The following SGCD variants were observed in gnomAD, a reference collection of about 807,000 sequenced individuals.
SGCD encodes sarcoglycan delta, also known as delta-sarcoglycan.
SGCD carries 18 observed loss-of-function variants against 36.6 expected under a neutral mutation model. The ratio of observed to expected loss-of-function variants is 0.49; its 90% confidence interval spans 0.34 to 0.73. SGCD has a LOEUF of 0.73. Among genes scored for constraint, SGCD ranks in the 30% least tolerant of loss-of-function variants. SGCD has a pLI of 0.01. For missense variants in SGCD, 387 were observed against 346.7 expected (o/e 1.12, Z -0.92); for synonymous variants, 133 against 130.6 (o/e 1.02, Z -0.12).
chr5:155,729,302 T>C, the SGCD span, among the ~76,000 whole-genome samples: 1 of 152,186 alleles, frequency 6.6e-6, no homozygotes, highest in Non-Finnish European at 1.5e-5. Flanking sequence ...GCATAAGCGC[T>C]TAGAGATCCG....
intron 4 of SGCD, among the ~76,000 whole-genome samples, chr5:156,549,495 T>C (rs1052997960): frequency 3.9e-5 from 6 of 152,244 alleles, no homozygotes; most frequent in African/African-American, 1.4e-4. Flanking sequence ...AAAGTGAGGA[T>C]GGAGAACTAG....
intron 4 of SGCD, among the ~76,000 whole-genome samples, chr5:156,513,157 A>T (rs1757015200): frequency 6.6e-6 from 1 of 152,202 alleles, no homozygotes; most frequent in African/African-American, 2.4e-5. Context: ...AAAGAAAAAG[A>T]TTTCTAAGAT....
At chr5:155,874,861 C>T (rs1755733519) in intron 1 of SGCD, among the ~76,000 whole-genome samples, 1 of 152,088 alleles carries the variant, frequency 6.6e-6, no homozygotes, top group Admixed American at 6.6e-5. Flanking sequence ...TAACAGTTTT[C>T]GAAGAAGTTA....
chr5:156,750,254 TTAATGG>T (rs1199995674), intron 7 of SGCD, among the ~76,000 whole-genome samples: 1 of 152,106 alleles, frequency 6.6e-6, no homozygotes, highest in East Asian at 1.9e-4. Context: ...AAAAACATAC[TTAATGG>T]TAAATTTGGT....
intron 3 of SGCD, among the ~76,000 whole-genome samples, chr5:156,398,663 T>G (rs1771989004): frequency 6.6e-6 from 1 of 152,210 alleles, no homozygotes; most frequent in Non-Finnish European, 1.5e-5. Flanking sequence ...TTCTCACTCA[T>G]GTAATATAAA....
At position 156,763,366 on chromosome 5, in the gene SGCD, T is replaced by C. The variant is rs948254561; in HGVS notation, c.*3976T>C. On this transcript the variant is annotated 3_prime_UTR_variant, in exon 9 of 9. Coordinates refer to ENST00000337851, the MANE Select transcript of SGCD (RefSeq NM_000337.6). ...TTATCAACACCGCCACTGTGCTTAC[T>C]GTTCCTACAGCCACACCAGGCTTGA... 6 of 152,646 alleles carry C rather than the reference T, an allele frequency of 3.9e-5. No individual in the cohort carries two copies. The highest frequency in any genetic ancestry group is 2.1e-4 in the South Asian group (1 of 4,824). The allele number at this position is 152,646 out of a possible 1,614,324, so 9.5% of individuals were successfully genotyped here. A position where few individuals can be genotyped will look rare whatever the true frequency, so the allele number is the denominator to read the frequency against.
chr5:155,765,773 C>T, the SGCD span, among the ~76,000 whole-genome samples: 1 of 152,080 alleles, frequency 6.6e-6, no homozygotes. Context: ...CTTGAAAATG[C>T]TGTGCTGGGA....
chr5:155,926,079 T>C (rs1412579994), intron 1 of SGCD, among the ~76,000 whole-genome samples: 1 of 152,124 alleles, frequency 6.6e-6, no homozygotes, highest in South Asian at 2.1e-4. Flanking sequence ...TTTCATCTGC[T>C]TGTGAGGATA....
chr5:156,074,146 T>C (rs759275151), intron 1 of SGCD, among the ~76,000 whole-genome samples: 5 of 152,366 alleles, frequency 3.3e-5, no homozygotes, highest in Non-Finnish European at 5.9e-5. Context: ...ATTTATTATA[T>C]ATCTTTTGGA....
At chr5:155,968,457 G>A (rs1051394833) in intron 1 of SGCD, among the ~76,000 whole-genome samples, 2 of 152,080 alleles carry the variant, frequency 1.3e-5, no homozygotes, top group African/African-American at 4.8e-5. Flanking sequence ...AAAAATAGGT[G>A]AGTAGAGTAC....
chr5:156,372,467 C>T (rs1286719531), intron 3 of SGCD, among the ~76,000 whole-genome samples: 9 of 152,182 alleles, frequency 5.9e-5, no homozygotes, highest in Admixed American at 1.3e-4. Context: ...TTTGAATTTA[C>T]TTTCTCCAAG....
chr5:155,904,136 C>G, intron 1 of SGCD, among the ~76,000 whole-genome samples: 1 of 152,138 alleles, frequency 6.6e-6, no homozygotes, highest in East Asian at 1.9e-4. Flanking sequence ...TTTGTTGTTT[C>G]CCATGACTTG....
intron 1 of SGCD, among the ~76,000 whole-genome samples, chr5:156,011,295 T>C (rs560746111): frequency 2.6e-5 from 4 of 152,268 alleles, no homozygotes; most frequent in African/African-American, 9.6e-5. Context: ...TTTTTAATTA[T>C]AGGAAGGTAC....
At chr5:155,783,350 A>G in the SGCD span, among the ~76,000 whole-genome samples, 1 of 152,200 alleles carries the variant, frequency 6.6e-6, no homozygotes, top group African/African-American at 2.4e-5. Flanking sequence ...GACCTAAAAT[A>G]TAAATAAGTT....
intron 7 of SGCD, among the ~76,000 whole-genome samples, chr5:156,741,405 G>A (rs1756666420): frequency 1.3e-5 from 2 of 152,128 alleles, no homozygotes; most frequent in Non-Finnish European, 2.9e-5. Context: ...TTTGATTCAT[G>A]AGACTTCCAA....
At chr5:156,075,224 CTT>C (rs1234872782) in intron 1 of SGCD, among the ~76,000 whole-genome samples, 1 of 151,838 alleles carries the variant, frequency 6.6e-6, no homozygotes, top group Non-Finnish European at 1.5e-5. Flanking sequence ...AATTAGAACT[CTT>C]TAAAAGTCTC....
At chr5:155,878,741 T>G (rs1182443404) in intron 1 of SGCD, among the ~76,000 whole-genome samples, 1 of 152,080 alleles carries the variant, frequency 6.6e-6, no homozygotes, top group South Asian at 2.1e-4. Flanking sequence ...GAACTCAGAT[T>G]TTGTTAACCC....
rs148789841 is a variant in SGCD at position 156,027,058 on chromosome 5, A to T, written c.-281-90820A>T. ...CCACAATCCCTGAGTAACTTATTTT[A>T]CTTGCTGTTAACCAGCAGTATTTTT... On this transcript the variant is annotated intron_variant, in intron 1 of 9. Transcript: ENST00000517913. 7.9e-4 allele frequency among the ~76,000 whole-genome samples: 121 copies of T among 152,336 alleles called. 1 individual carries two copies. Among genetic ancestry groups the T allele is most frequent in the East Asian group, 6.0e-3 (31 of 5,186 alleles).
chr5:156,605,243 T>G (rs900338429), intron 6 of SGCD, among the ~76,000 whole-genome samples: 7 of 152,114 alleles, frequency 4.6e-5, no homozygotes, highest in African/African-American at 1.7e-4. Context: ...ATGTTCCCCT[T>G]CCTGTGTCCA....
Sources: allele counts gnomAD v4.1 joint callset (sites outside exome capture counted in the v4.1 genomes callset), GRCh38; gene constraint gnomAD v4.1.1; transcripts MANE v1.5; gene names NCBI Gene and HGNC (gene_info 2026-07-23, HGNC 2026-07-21).